Variants in TRIM27 observed in about 807,000 individuals in gnomAD.
The protein encoded by TRIM27 is tripartite motif containing 27.
Under a neutral mutation model 57.6 loss-of-function variants are expected in TRIM27, and 12 were observed. The observed-to-expected ratio is 0.21, with a 90% CI of 0.13 to 0.34. The LOEUF is 0.34. Ranked by LOEUF, TRIM27 falls within the 10% of genes least tolerant of loss-of-function variation. The pLI is 1.00. For missense variants in TRIM27, 403 were observed against 656.8 expected, an observed-to-expected ratio of 0.61 and a Z score of 4.22; for synonymous variants, 266 against 259.0, an observed-to-expected ratio of 1.03 and a Z score of -0.26.
intron 3 of TRIM27, among the ~76,000 whole-genome samples, chr6:28,919,648 A>G (rs2150489014): frequency 6.6e-6 from 1 of 152,294 alleles, no homozygotes; most frequent in African/African-American, 2.4e-5. Context: ...TACTGGAGTG[A>G]GGAGAGTCTT....
In TRIM27 at chr6:28,923,579, C is replaced by T; in HGVS notation, c.54G>A (p.Val18=). ...TGGGCTCTGCGAAGTACTGCAGGCA[C>T]ACGGGGCAGGTGGTCTCCTGCTGCA... ...ECLQQETTCP[V]CLQYFAEPMM... is the part of the protein sequence containing the mutation. The change falls in exon 1 of 8, where the codon GTG becomes GTA. Residue 18 remains valine (V), a synonymous_variant. Transcript: ENST00000377199. 1.2e-6 allele frequency: 2 copies of T among 1,608,128 alleles called. No homozygotes were observed.
At chr6:28,920,959 G>A (rs1039133463) in intron 2 of TRIM27, among the ~76,000 whole-genome samples, 10 of 152,150 alleles carry the variant, frequency 6.6e-5, no homozygotes, top group African/African-American at 2.4e-4. Context: ...CTAGCTTTGG[G>A]TAGGAGGGGG....
At chr6:28,907,201 C>T in intron 7 of TRIM27, 35 bp downstream of exon 7, 1 of 1,590,006 alleles carries the variant, frequency 6.3e-7, no homozygotes, top group South Asian at 1.1e-5. Context: ...ATTTTTACTC[C>T]TTACCCTAAT....
chr6:28,904,979 C>G lies in TRIM27; in HGVS notation c.947-314G>C. On this transcript the variant is annotated intron_variant, in intron 7 of 7. Transcript: ENST00000377199. This position sits in a 1 kb window ranked among gnomAD's most constrained non-coding sequence, Gnocchi z 6.1. ...CTAGGCTGGAGCGCAGTGGTGTGGTCATAGTTCATTGTAACCCCAAACTCC... is the reference window on the plus strand; with the variant it reads ...CTAGGCTGGAGCGCAGTGGTGTGGTGATAGTTCATTGTAACCCCAAACTCC... 5.9e-6 allele frequency: 2 copies of G among 340,242 alleles called. No homozygotes were observed. The highest frequency in any genetic ancestry group is 1.1e-5 in the Non-Finnish European group (2 of 186,054). 21.1% of individuals were successfully genotyped at this position (340,242 alleles called of 1,614,324 possible).
chr6:28,920,336 T>A, intron 2 of TRIM27, 94 bp from the exon 3 acceptor site: 1 of 1,082,318 alleles, frequency 9.2e-7, no homozygotes, highest in Non-Finnish European at 1.3e-6. Flanking sequence ...CAAGACCTCA[T>A]TATGGATTAA....
intron 4 of TRIM27, chr6:28,911,465 C>G (rs1010547513): frequency 1.1e-5 from 6 of 525,652 alleles, no homozygotes; most frequent in Non-Finnish European, 2.0e-5. Context: ...GAAGTGTCCT[C>G]ATACCCCTAA....
At chr6:28,910,966 T>C (rs909178374) in intron 4 of TRIM27, among the ~76,000 whole-genome samples, 1 of 152,152 alleles carries the variant, frequency 6.6e-6, no homozygotes, top group Non-Finnish European at 1.5e-5. Flanking sequence ...TGCTCCCACA[T>C]AGTCAAGCTG....
rs368867680 is a variant in TRIM27, at chr6:28,904,026, C to G, written c.*44G>C. The G allele has an allele frequency of 6.5e-7, 1 of 1,531,378 alleles. No homozygotes were observed. The highest frequency in any genetic ancestry group is 8.9e-7 in the Non-Finnish European group (1 of 1,117,886). The allele number at this position is 1,531,378 out of a possible 1,614,324, so 94.9% of individuals were successfully genotyped here. On this transcript the variant is annotated 3_prime_UTR_variant, in exon 8 of 8. Coordinates refer to ENST00000377199, the MANE Select transcript of TRIM27 (RefSeq NM_006510.5). This position sits in a 1 kb window ranked among gnomAD's most constrained non-coding sequence, Gnocchi z 6.1. ...AGGCAACAAGATGCCTTGTGCCTGG[C>G]GTAGGATTACAGCCAACAGCCCTTT... is the stretch of plus-strand genomic sequence containing the variant.
intron 7 of TRIM27, chr6:28,905,124 G>C (rs1272829864): frequency 6.4e-6 from 1 of 155,538 alleles, no homozygotes; most frequent in African/African-American, 2.4e-5. Context: ...TGCTCAGGAT[G>C]GTCTCGAACT....
At chr6:28,909,993 A>C (rs1794587) in intron 4 of TRIM27, among the ~76,000 whole-genome samples, 93,554 of 151,608 alleles carry the variant, frequency 0.62, 31,034 homozygotes, top group African/African-American at 0.87. Flanking sequence ...GTAACATGAC[A>C]GGAAACAGTG....
At chr6:28,910,693 T>C (rs1773137607) in intron 4 of TRIM27, among the ~76,000 whole-genome samples, 1 of 152,114 alleles carries the variant, frequency 6.6e-6, no homozygotes, top group South Asian at 2.1e-4. Context: ...CTATCTTATA[T>C]AGCCAAATTC....
At chr6:28,919,758 G>A (rs1773884516) in intron 3 of TRIM27, among the ~76,000 whole-genome samples, 1 of 152,220 alleles carries the variant, frequency 6.6e-6, no homozygotes, top group Non-Finnish European at 1.5e-5. Context: ...ACTTGTCAGT[G>A]CTGTGTAGGC....
intron 4 of TRIM27, chr6:28,911,177 C>T (rs893471204): frequency 5.3e-5 from 8 of 151,000 alleles, no homozygotes; most frequent in African/African-American, 2.0e-4. Context: ...CCTCTTTGAT[C>T]GTGTTCCAGC....
chr6:28,907,673 G>C (rs1581488434), intron 6 of TRIM27: 1 of 481,086 alleles, frequency 2.1e-6, no homozygotes, highest in African/African-American at 1.9e-5. Context: ...TGACACTCTG[G>C]GGTAAACATG....
At chr6:28,906,852 GCAC>G (rs1772801018) in intron 7 of TRIM27, 1 of 184,458 alleles carries the variant, frequency 5.4e-6, no homozygotes, top group Admixed American at 5.9e-5. Context: ...ACTTCCTCTA[GCAC>G]TCAAGAGCAC....
At chr6:28,910,725 C>T (rs886942006) in intron 4 of TRIM27, among the ~76,000 whole-genome samples, 1 of 152,140 alleles carries the variant, frequency 6.6e-6, no homozygotes, top group South Asian at 2.1e-4. Flanking sequence ...TCACAAACTG[C>T]TAGGGTCTGA....
rs1024919244 is a variant in TRIM27, at chr6:28,903,658, G to C, written c.*412C>G. On this transcript the variant is annotated 3_prime_UTR_variant, in exon 8 of 8. Transcript: ENST00000377199. The stretch of plus-strand genomic sequence containing the variant: ...GGCCTTATTCCAGTCTAGGTTGTTA[G>C]AAAGGAGCCCTAGCCCAGAAATGAC... 1 of 260,008 alleles carries C rather than the reference G, an allele frequency of 3.8e-6. No homozygotes were observed. Among genetic ancestry groups the C allele is most frequent in the Non-Finnish European group, 7.4e-6 (1 of 134,880 alleles). The allele number at this position is 260,008 out of a possible 1,614,324, so 16.1% of individuals were successfully genotyped here.
At position 28,903,819 on chromosome 6, in the gene TRIM27, C is replaced by A; in HGVS notation, c.*251G>T. On this transcript the variant is annotated 3_prime_UTR_variant, in exon 8 of 8. Transcript: ENST00000377199. ...TTATCCCTCCAGCGATGTGTAAAAC[C>A]AGAAAGTATGAAACACTGGAGGTGG... 1.8e-6 allele frequency: 1 copy of A among 545,398 alleles called. No individual in the cohort carries two copies. Among genetic ancestry groups the A allele is most frequent in the Non-Finnish European group, 3.3e-6 (1 of 307,260 alleles). 33.8% of individuals were successfully genotyped at this position (545,398 alleles called of 1,614,324 possible).
chr6:28,904,681 G>A lies in TRIM27; in HGVS notation c.947-16C>T, dbSNP rs1772633281. The A allele has an allele frequency of 1.9e-6, 3 of 1,582,854 alleles. No individual in the cohort carries two copies. The highest frequency in any genetic ancestry group is 8.6e-7 in the Non-Finnish European group (1 of 1,169,088). On this transcript the variant is annotated splice_polypyrimidine_tract_variant and intron_variant, in intron 7 of 7. Coordinates refer to ENST00000377199, the MANE Select transcript of TRIM27 (RefSeq NM_006510.5). The surrounding 1 kb of genome is among the most constrained non-coding windows in gnomAD (Gnocchi z 6.1). ...GTCACGTCCACTGTAGAGACACAAG[G>A]AAGACAGTCAGCCGTGGGCCAGGAG...
Sources: allele counts gnomAD v4.1 joint callset (sites outside exome capture counted in the v4.1 genomes callset), GRCh38; gene constraint gnomAD v4.1.1; non-coding constraint Gnocchi (gnomAD v3.1); transcripts MANE v1.5; gene names NCBI Gene and HGNC (gene_info 2026-07-23, HGNC 2026-07-21).